The following BRAT1 variants were observed in gnomAD, a reference collection of about 807,000 sequenced individuals.
The protein encoded by BRAT1 is BRCA1 associated ATM activator 1, also known as integrator complex assembly factor BRAT1.
In BRAT1, 74 loss-of-function variants were observed where a neutral mutation model predicts 70.6. The ratio of observed to expected loss-of-function variants is 1.05; its 90% CI spans 0.87 to 1.27. The LOEUF (loss-of-function observed/expected upper bound fraction) is 1.27, where lower values mean the gene tolerates loss of function less well. Ranked by LOEUF, BRAT1 falls within the 50% of genes most tolerant of loss-of-function variation. The pLI is 0.00. For synonymous variants in BRAT1, 615 were observed against 517.1 expected, an observed-to-expected ratio of 1.19 and a Z score of -2.57; for missense variants, 1,203 against 1,098.2, an observed-to-expected ratio of 1.10 and a Z score of -1.35.
Position 2,541,286 on chromosome 7 carries a change from G to C in BRAT1, c.1321+12C>G. 1 of 1,573,156 alleles carries C rather than the reference G, an allele frequency of 6.4e-7. No individual in the cohort carries two copies. Among genetic ancestry groups the C allele is most frequent in the Non-Finnish European group, 8.6e-7 (1 of 1,163,466 alleles). On this transcript the variant is annotated intron_variant, in intron 9 of 13. Transcript: ENST00000340611. ...GATAGCCCCACGCCAAAGCCGTACAGAACACACTCACCTGTCCCCTGTGAC... is the reference window on the plus strand; with the variant it reads ...GATAGCCCCACGCCAAAGCCGTACACAACACACTCACCTGTCCCCTGTGAC...
chr7:2,538,273 C>A lies in BRAT1; in HGVS notation c.2262G>T (p.Arg754Ser), dbSNP rs1377183037. 2 of 1,611,538 alleles carry A rather than the reference C, an allele frequency of 1.2e-6. No individual in the cohort carries two copies. The highest frequency in any genetic ancestry group is 1.1e-5 in the South Asian group (1 of 91,040). Residue 754 changes from arginine to serine, a missense_variant, in exon 14 of 14, where the codon AGG (arginine) becomes AGT (serine). Coordinates refer to ENST00000340611, the MANE Select transcript of BRAT1 (RefSeq NM_152743.4). ...GCTGGGCCTGCTCACCCGCCCGCCA[C>A]CTCGGCAGGGTGGCCTCTGCGGAGG... The part of the protein sequence containing the change: ...NTASAEATLP[R>S]WRAGEQAQPP...
chr7:2,543,254 A>G lies in BRAT1; in HGVS notation c.873T>C (p.Gly291=). The G allele has an allele frequency of 6.2e-7, 1 of 1,611,370 alleles. No individual in the cohort carries two copies. Among genetic ancestry groups the G allele is most frequent in the Non-Finnish European group, 8.5e-7 (1 of 1,178,950 alleles). ...AAGCCAGGGGTCCCATGTGGGTGGGACCCAGGCAGCTCAGAGCCCGCGCCA... is the reference window on the plus strand; with the variant it reads ...AAGCCAGGGGTCCCATGTGGGTGGGGCCCAGGCAGCTCAGAGCCCGCGCCA... The part of the protein sequence containing the change: ...ETVARALSCL[G]PTHMGPLALG... The change falls in exon 6 of 14, where the codon GGT becomes GGC. Residue 291 remains glycine (G), a synonymous_variant. Coordinates refer to ENST00000340611, the MANE Select transcript of BRAT1 (RefSeq NM_152743.4). The surrounding 1 kb of genome is among the most constrained non-coding windows in gnomAD (Gnocchi z 5.5).
chr7:2,550,942 T>G (rs1779959640), intron 2 of BRAT1, among the ~76,000 whole-genome samples: 2 of 152,042 alleles, frequency 1.3e-5, no homozygotes, highest in African/African-American at 4.8e-5. Flanking sequence ...GCCTGAACAC[T>G]CAATTATCAT....
intron 6 of BRAT1, 186 bp from the exon 7 acceptor site, chr7:2,542,397 C>T: frequency 1.6e-6 from 1 of 612,454 alleles, no homozygotes; most frequent in Admixed American, 2.8e-5. Flanking sequence ...CAGGCCTGAC[C>T]AAGGAGATGG....
intron 10 of BRAT1, 76 bp from the exon 11 acceptor site, chr7:2,539,964 C>A (rs1373991838): frequency 1.9e-6 from 2 of 1,068,018 alleles, no homozygotes; most frequent in East Asian, 2.7e-5. Flanking sequence ...CTCGCCTTCA[C>A]CTGTGCTGCC....
chr7:2,544,999 A>G lies in BRAT1; in HGVS notation c.340T>C (p.Trp114Arg), dbSNP rs765219342. The G allele has an allele frequency of 1.3e-6, 2 of 1,557,062 alleles. No homozygotes were observed. Among genetic ancestry groups the G allele is most frequent in the South Asian group, 2.4e-5 (2 of 84,518 alleles). Residue 114 changes from tryptophan to arginine, a missense_variant, in exon 4 of 14, where the codon TGG (tryptophan) becomes CGG (arginine). Physicochemically the swap from Trp to Arg is moderately radical, Grantham distance 101. Coordinates refer to ENST00000340611, the MANE Select transcript of BRAT1 (RefSeq NM_152743.4). ...GEPGPLGRATWAVPTVRSGWI... is the reference protein window; with the variant it reads ...GEPGPLGRATRAVPTVRSGWI... ...CCGCTGCGCACGGTGGGGACGGCCCAGGTTGCTCGGCCGAGGGGTCCTGGC... is the reference window on the plus strand; with the variant it reads ...CCGCTGCGCACGGTGGGGACGGCCCGGGTTGCTCGGCCGAGGGGTCCTGGC...
At chr7:2,552,820 GCTCTGCCTC>G (rs1000721789) in intron 2 of BRAT1, among the ~76,000 whole-genome samples, 2 of 151,038 alleles carry the variant, frequency 1.3e-5, no homozygotes, top group African/African-American at 4.9e-5. Flanking sequence ...CTCACTGCAA[GCTCTGCCTC>G]CTGTGTTCAC....
intron 2 of BRAT1, among the ~76,000 whole-genome samples, chr7:2,548,269 G>C (rs1779761148): frequency 6.6e-6 from 1 of 152,106 alleles, no homozygotes; most frequent in Admixed American, 6.6e-5. Flanking sequence ...GGGGGAAAAA[G>C]ACATTTTGAG....
chr7:2,538,214 G>GGGGGA lies in BRAT1; in HGVS notation c.2320_2321insTCCCC (p.Ala774ValfsTer8). ...CTCCAGGTCTAGGGACCTGAGCATG[G>GGGGGA]CCAGCACAGCCTCAGGCTCCTGGTC... On this transcript the variant is annotated frameshift_variant, in exon 14 of 14. Coordinates refer to ENST00000340611, the MANE Select transcript of BRAT1 (RefSeq NM_152743.4). LOFTEE classifies it high-confidence loss of function. 6.2e-7 allele frequency: 1 copy of GGGGGA among 1,609,758 alleles called. No homozygotes were observed. The highest frequency in any genetic ancestry group is 1.1e-5 in the South Asian group (1 of 91,012).
rs777858114 is a variant in BRAT1 at position 2,554,403 on chromosome 7, G to A, written c.29C>T (p.Pro10Leu). ...ATCTACCAGAACAGCACAGAGAGCCGGGAGCAGCTGGGCGCATTCTGGGTC... is the reference window on the plus strand; with the variant it reads ...ATCTACCAGAACAGCACAGAGAGCCAGGAGCAGCTGGGCGCATTCTGGGTC... MDPECAQLL[P>L]ALCAVLVDPR... is the part of the protein sequence containing the mutation. The change falls in exon 2 of 14, where the codon CCG becomes CTG. Residue 10 changes from proline to leucine, a missense_variant. Transcript: ENST00000340611. 6.2e-7 allele frequency: 1 copy of A among 1,613,750 alleles called. No homozygotes were observed. Among genetic ancestry groups the A allele is most frequent in the African/African-American group, 1.3e-5 (1 of 75,056 alleles).
chr7:2,547,048 G>A (rs1020439961), intron 3 of BRAT1, among the ~76,000 whole-genome samples: 11 of 97,838 alleles, frequency 1.1e-4, no homozygotes, highest in South Asian at 2.9e-4. Flanking sequence ...GCTTGCGGCC[G>A]TGGGCAAGCT....
chr7:2,553,590 G>T (rs1026341023), intron 2 of BRAT1, among the ~76,000 whole-genome samples: 1 of 151,708 alleles, frequency 6.6e-6, no homozygotes, highest in African/African-American at 2.4e-5. Flanking sequence ...TTAAAACGTT[G>T]ATGGTTTAAT....
rs776341973 is a variant in BRAT1 at position 2,554,412 on chromosome 7, T to G, written c.20A>C (p.Gln7Pro). The change falls in exon 2 of 14, where the codon CAG becomes CCG. Residue 7 changes from glutamine (Q) to proline (P), a missense_variant. Gln to Pro is a moderately conservative substitution (Grantham distance 76). Coordinates refer to ENST00000340611, the MANE Select transcript of BRAT1 (RefSeq NM_152743.4). MDPECA[Q>P]LLPALCAVLV... The stretch of plus-strand genomic sequence containing the variant: ...AACAGCACAGAGAGCCGGGAGCAGC[T>G]GGGCGCATTCTGGGTCCATGGTGAG... 4 of 1,613,780 alleles carry G rather than the reference T, an allele frequency of 2.5e-6. No individual in the cohort carries two copies. In the South Asian group the frequency reaches 3.3e-5, roughly 13 times the overall value.
chr7:2,541,704 C>A lies in BRAT1; in HGVS notation c.1134+14G>T, dbSNP rs372235478. 3.1e-6 allele frequency: 5 copies of A among 1,598,310 alleles called. No individual in the cohort carries two copies. In the Admixed American group the frequency reaches 5.2e-5, roughly 17 times the overall value. On this transcript the variant is annotated intron_variant, in intron 8 of 13. Coordinates refer to ENST00000340611, the MANE Select transcript of BRAT1 (RefSeq NM_152743.4). The stretch of plus-strand genomic sequence containing the variant: ...GGATGCTGCTGGGCTGCATGAGGAC[C>A]GGGCCGCACCTACCAGCGGCTGCAG...
chr7:2,541,528 C>G (rs372925007), intron 8 of BRAT1, 44 bp from the exon 9 acceptor site: 2 of 1,503,602 alleles, frequency 1.3e-6, no homozygotes, highest in African/African-American at 1.4e-5. Flanking sequence ...GTCCCACTGC[C>G]GGCGTGGATG....
chr7:2,546,461 T>A (rs6961078), intron 3 of BRAT1, among the ~76,000 whole-genome samples: 14,424 of 147,812 alleles, frequency 0.098, 1,521 homozygotes, highest in East Asian at 0.29. Context: ...AGGCCGGGTA[T>A]GGTGGCTCAC....
At chr7:2,550,482 A>AC (rs1779925468) in intron 2 of BRAT1, among the ~76,000 whole-genome samples, 3 of 89,590 alleles carry the variant, frequency 3.3e-5, no homozygotes, top group Non-Finnish European at 5.6e-5. Context: ...AAAAAAAAAC[A>AC]AAAAAAAAAA....
rs765404910 is a variant in BRAT1 at position 2,538,167 on chromosome 7, C to G, written c.2368G>C (p.Glu790Gln). Reference protein sequence around the residue: ...DLEGLRSTLAESSDHVEKSPQ... With the variant: ...DLEGLRSTLAQSSDHVEKSPQ... Reference sequence around the variant, plus strand: ...CTCTTTTCCACGTGGTCGCTGCTCTCGGCCAGCGTGCTCCGCAGGCCCTCC... The same window carrying G: ...CTCTTTTCCACGTGGTCGCTGCTCTGGGCCAGCGTGCTCCGCAGGCCCTCC... The change falls in exon 14 of 14, where the codon GAG becomes CAG. Residue 790 changes from glutamate to glutamine, a missense_variant. Glu to Gln is a conservative substitution (Grantham distance 29). Transcript: ENST00000340611. 3.7e-6 allele frequency: 6 copies of G among 1,608,936 alleles called. No homozygotes were observed. In the East Asian group the frequency reaches 1.1e-4, roughly 30 times the overall value.
chr7:2,553,401 T>C (rs1050484990), intron 2 of BRAT1, among the ~76,000 whole-genome samples: 2 of 152,288 alleles, frequency 1.3e-5, no homozygotes, highest in South Asian at 4.1e-4. Context: ...CAATTAATTA[T>C]GGTCTATTCC....
Sources: allele counts gnomAD v4.1 joint callset (sites outside exome capture counted in the v4.1 genomes callset), GRCh38; gene constraint gnomAD v4.1.1; non-coding constraint Gnocchi (gnomAD v3.1); transcripts MANE v1.5; gene names NCBI Gene and HGNC (gene_info 2026-07-23, HGNC 2026-07-21).